NRG4: variants seen among roughly 807,000 people sequenced by gnomAD.
NRG4 encodes the protein neuregulin 4.
Under a neutral mutation model 15.0 loss-of-function variants are expected in NRG4, and 10 were observed. The observed-to-expected ratio is 0.67, with a 90% CI of 0.41 to 1.13. The LOEUF (loss-of-function observed/expected upper bound fraction) is 1.13. NRG4 is among the 50% of genes most tolerant of loss of function. The pLI is 0.00. For missense variants in NRG4, 139 were observed against 140.2 expected, an observed-to-expected ratio of 0.99 and a Z score of 0.04; for synonymous variants, 41 against 50.1, an observed-to-expected ratio of 0.82 and a Z score of 0.77.
rs1384723195 is a variant in NRG4, at chr15:76,050,599, T to A, written c.-105+1468A>T. Among the ~76,000 whole-genome samples the A allele has an allele frequency of 6.4e-3, 226 of 35,166 alleles. 8 individuals are homozygous for A. Among genetic ancestry groups the A allele is most frequent in the African/African-American group, 0.024 (204 of 8,452 alleles). The allele number at this position is 35,166 out of a possible 152,430, so 23.1% of individuals were successfully genotyped here. On this transcript the variant is annotated intron_variant, in intron 4 of 8. Transcript: ENST00000563910. ...GCACTCACCACCACGCTCGGCTAAT[T>A]TTTTTTTTTTTTTTTTTTTGTATTT...
intron 3 of NRG4, among the ~76,000 whole-genome samples, chr15:75,992,730 G>A (rs1026036131): frequency 1.4e-4 from 21 of 152,058 alleles, no homozygotes; most frequent in African/African-American, 5.1e-4. Flanking sequence ...GTAAATATGT[G>A]TAATACATTT....
At chr15:75,956,455 G>T (rs2032247874) in intron 4 of NRG4, among the ~76,000 whole-genome samples, 1 of 152,132 alleles carries the variant, frequency 6.6e-6, no homozygotes, top group African/African-American at 2.4e-5. Context: ...GGACATTTTT[G>T]AGGTAACAGT....
At chr15:76,024,263 C>T (rs1231029942) in intron 5 of NRG4, among the ~76,000 whole-genome samples, 1 of 152,220 alleles carries the variant, frequency 6.6e-6, no homozygotes, top group South Asian at 2.1e-4. Context: ...CTGGGGGCTG[C>T]ACCTGGCAGA....
chr15:75,971,526 A>G (rs992714004), intron 3 of NRG4, among the ~76,000 whole-genome samples: 1 of 152,158 alleles, frequency 6.6e-6, no homozygotes, highest in Non-Finnish European at 1.5e-5. Flanking sequence ...CTCTGTCTCT[A>G]TGTGTCCAAA....
intron 4 of NRG4, among the ~76,000 whole-genome samples, chr15:76,039,294 G>A (rs899820726): frequency 2.6e-5 from 4 of 152,124 alleles, no homozygotes; most frequent in Non-Finnish European, 5.9e-5. Flanking sequence ...CAATCCTGAA[G>A]AAACAGAAAT....
chr15:76,025,365 G>A (rs2141933713), intron 5 of NRG4, among the ~76,000 whole-genome samples: 1 of 152,256 alleles, frequency 6.6e-6, no homozygotes, highest in South Asian at 2.1e-4. Flanking sequence ...TGTGAACCCG[G>A]CAGGCGGAGC....
At chr15:76,018,546 C>G (rs1040740467) in intron 5 of NRG4, among the ~76,000 whole-genome samples, 6 of 152,130 alleles carry the variant, frequency 3.9e-5, no homozygotes, top group Non-Finnish European at 8.8e-5. Context: ...TGATGCGATT[C>G]CTTTCTGTTT....
At chr15:75,954,667 C>A (rs1008155750) in intron 5 of NRG4, among the ~76,000 whole-genome samples, 1 of 151,960 alleles carries the variant, frequency 6.6e-6, no homozygotes, top group African/African-American at 2.4e-5. Context: ...TCAAGTGATC[C>A]ATCTGCCTCA....
intron 4 of NRG4, among the ~76,000 whole-genome samples, chr15:76,036,806 C>T (rs1023505254): frequency 6.6e-5 from 10 of 152,150 alleles, no homozygotes; most frequent in African/African-American, 2.2e-4. Context: ...AATCAAATGC[C>T]TTTCCTCTAA....
intron 5 of NRG4, among the ~76,000 whole-genome samples, chr15:76,030,044 G>T (rs2035432498): frequency 6.6e-6 from 1 of 152,080 alleles, no homozygotes; most frequent in Non-Finnish European, 1.5e-5. Flanking sequence ...GGATCACAAG[G>T]TCAGGAGATC....
intron 3 of NRG4, among the ~76,000 whole-genome samples, chr15:75,984,647 G>T (rs2033727663): frequency 6.6e-6 from 1 of 152,072 alleles, no homozygotes; most frequent in Non-Finnish European, 1.5e-5. Context: ...GGAGGCAGGG[G>T]GCTAGGGGAG....
intron 3 of NRG4, among the ~76,000 whole-genome samples, chr15:76,000,028 T>C (rs2133099): frequency 0.049 from 7,402 of 152,120 alleles, 349 homozygotes; most frequent in African/African-American, 0.13. Context: ...GGATTACAGG[T>C]GCCTGCCACC....
chr15:76,025,959 C>G (rs548274678), intron 5 of NRG4, among the ~76,000 whole-genome samples: 2 of 151,572 alleles, frequency 1.3e-5, no homozygotes, highest in African/African-American at 4.8e-5. Flanking sequence ...AATGTGAAGA[C>G]AGGTCTTTTG....
At chr15:76,032,423 G>A (rs937740353) in intron 5 of NRG4, among the ~76,000 whole-genome samples, 4 of 151,980 alleles carry the variant, frequency 2.6e-5, no homozygotes, top group African/African-American at 9.7e-5. Flanking sequence ...TCAGTGTCAG[G>A]ACCTTTCCGA....
intron 5 of NRG4, among the ~76,000 whole-genome samples, chr15:76,035,011 T>G (rs74024071): frequency 0.037 from 5,621 of 152,300 alleles, 182 homozygotes; most frequent in African/African-American, 0.085. Flanking sequence ...AGCCTGCCAT[T>G]GAACGGCAGG....
At chr15:75,944,755 TTG>T (rs5813810) in intron 5 of NRG4, among the ~76,000 whole-genome samples, 134,776 of 150,768 alleles carry the variant, frequency 0.89, 61,195 homozygotes, top group East Asian at 0.99. Flanking sequence ...TAAAAGGCTT[TTG>T]TGTGTGTGTG....
chr15:76,035,077 A>T (rs1411896104), intron 5 of NRG4, among the ~76,000 whole-genome samples: 1 of 152,222 alleles, frequency 6.6e-6, no homozygotes, highest in Non-Finnish European at 1.5e-5. Context: ...CTTTCCTCTC[A>T]TCTTTCTCTG....
At chr15:75,992,632 C>T (rs933771944) in intron 3 of NRG4, among the ~76,000 whole-genome samples, 1 of 152,150 alleles carries the variant, frequency 6.6e-6, no homozygotes. Flanking sequence ...AGAAACACCA[C>T]GTCCATGAGC....
intron 3 of NRG4, among the ~76,000 whole-genome samples, chr15:75,993,113 C>T (rs1024010603): frequency 2.0e-5 from 3 of 151,758 alleles, no homozygotes; most frequent in Admixed American, 1.3e-4. Context: ...CTGCTATTTC[C>T]CCATATGTAA....
Sources: gnomAD v4.1 joint callset for allele counts (sites outside exome capture counted in the v4.1 genomes callset) on GRCh38, gnomAD v4.1.1 for gene constraint, MANE v1.5 for transcripts, NCBI Gene and HGNC (gene_info 2026-07-23, HGNC 2026-07-21) for gene names.